The following FBXL5 variants were observed in gnomAD, a reference collection of about 807,000 sequenced individuals.
FBXL5 encodes the protein F-box and leucine rich repeat protein 5.
Under a neutral mutation model 78.3 loss-of-function variants are expected in FBXL5, and 26 were observed. That is an observed-to-expected ratio of 0.33 (90% confidence interval 0.24 to 0.46). The LOEUF (loss-of-function observed/expected upper bound fraction) is 0.46, where lower values mean the gene tolerates loss of function less well. Among genes scored for constraint, FBXL5 ranks in the 20% least tolerant of loss-of-function variants. FBXL5 has a pLI of 1.00. For synonymous variants in FBXL5, 295 were observed against 282.5 expected (o/e 1.04, Z -0.45); for missense variants, 710 against 829.2 (o/e 0.86, Z 1.77).
rs748693785 is a variant in FBXL5, at chr4:15,638,695, CTAAAT to C, written c.397-6_397-2del. Reference sequence around the variant, plus strand: ...ATTCCATTAACATGGGCTGAAAAACCTAAATTAAACAAAATATTCACGAGGAAAGA... The same window carrying C: ...ATTCCATTAACATGGGCTGAAAAACCTAAACAAAATATTCACGAGGAAAGA... On this transcript the variant is annotated splice_acceptor_variant and splice_polypyrimidine_tract_variant and intron_variant, in intron 3 of 10. Transcript: ENST00000341285. LOFTEE classifies it high-confidence loss of function. 4 of 1,566,538 alleles carry C rather than the reference CTAAAT, an allele frequency of 2.6e-6. No homozygotes were observed. Among genetic ancestry groups the C allele is most frequent in the Non-Finnish European group, 3.5e-6 (4 of 1,151,130 alleles).
chr4:15,607,083 C>T (rs561408379), intron 10 of FBXL5, among the ~76,000 whole-genome samples: 51 of 152,178 alleles, frequency 3.4e-4, no homozygotes, highest in Admixed American at 1.2e-3. Context: ...ATAAACATTA[C>T]GCAAATATGT....
chr4:15,639,894 C>A (rs1438568475), intron 3 of FBXL5, among the ~76,000 whole-genome samples: 1 of 152,162 alleles, frequency 6.6e-6, no homozygotes, highest in East Asian at 1.9e-4. Flanking sequence ...TACAGCTGAA[C>A]AGGTATTCCG....
intron 1 of FBXL5, among the ~76,000 whole-genome samples, chr4:15,645,343 TG>T (rs1715248230): frequency 6.6e-6 from 1 of 152,220 alleles, no homozygotes; most frequent in Non-Finnish European, 1.5e-5. Context: ...AGAGTCATAG[TG>T]AACCAGTTTT....
chr4:15,650,588 T>G (rs1431166745), intron 1 of FBXL5, among the ~76,000 whole-genome samples: 2 of 150,762 alleles, frequency 1.3e-5, no homozygotes, highest in Non-Finnish European at 2.9e-5. Flanking sequence ...CTTATATATA[T>G]AAAAGGACGC....
chr4:15,627,024 T>A (rs1713130623), intron 7 of FBXL5, 69 bp from the exon 8 acceptor site: 2 of 899,796 alleles, frequency 2.2e-6, no homozygotes. Flanking sequence ...AGATGACTAT[T>A]AGTAAACATA....
At chr4:15,657,562 C>G (rs1183454585), upstream of FBXL5, among the ~76,000 whole-genome samples, 1 of 152,198 alleles carries the variant, frequency 6.6e-6, no homozygotes, top group Non-Finnish European at 1.5e-5. Context: ...GCTCTATAAT[C>G]AGCTGAAAAG....
chr4:15,646,447 T>C (rs895955169), intron 1 of FBXL5, among the ~76,000 whole-genome samples: 3 of 149,364 alleles, frequency 2.0e-5, no homozygotes, highest in Non-Finnish European at 4.5e-5. Context: ...AACACTATCA[T>C]GTATCATTTT....
upstream of FBXL5, chr4:15,655,412 T>C: frequency 1.0e-6 from 1 of 991,362 alleles, no homozygotes; most frequent in Non-Finnish European, 1.2e-6. Context: ...GCGCGCCCGG[T>C]CGGCTTGGCC....
At chr4:15,663,393 G>A (rs1445739977), upstream of FBXL5, among the ~76,000 whole-genome samples, 2 of 152,108 alleles carry the variant, frequency 1.3e-5, no homozygotes, top group Non-Finnish European at 2.9e-5. Flanking sequence ...AAGATATTAG[G>A]GGCCAGAGGT....
At chr4:15,671,660 T>A (rs770299695) in intron 1 of FBXL5, among the ~76,000 whole-genome samples, 1 of 152,202 alleles carries the variant, frequency 6.6e-6, no homozygotes, top group Non-Finnish European at 1.5e-5. Context: ...TTTTAAGCTA[T>A]CATTTCTTCA....
intron 1 of FBXL5, among the ~76,000 whole-genome samples, chr4:15,666,040 C>T (rs1016827986): frequency 4.6e-5 from 7 of 151,536 alleles, no homozygotes; most frequent in Non-Finnish European, 8.8e-5. Flanking sequence ...AAAAAAATGA[C>T]CATTTCCTCA....
chr4:15,638,743 T>G, intron 3 of FBXL5, 49 bp from the exon 4 acceptor site: 1 of 1,198,470 alleles, frequency 8.3e-7, no homozygotes, highest in Non-Finnish European at 1.2e-6. Flanking sequence ...TTCGTGTTGA[T>G]TTACTCTAAA....
chr4:15,614,530 T>A (rs1711572379), intron 9 of FBXL5, among the ~76,000 whole-genome samples: 1 of 152,030 alleles, frequency 6.6e-6, no homozygotes, highest in African/African-American at 2.4e-5. Context: ...GCCATAGAGC[T>A]CCCAAGAGAT....
upstream of FBXL5, among the ~76,000 whole-genome samples, chr4:15,658,884 T>G (rs976585215): frequency 6.6e-6 from 1 of 152,192 alleles, no homozygotes; most frequent in Non-Finnish European, 1.5e-5. Context: ...TCCAGAGACT[T>G]AATTTTTTCA....
At chr4:15,666,775 C>T (rs1717564703) in intron 1 of FBXL5, among the ~76,000 whole-genome samples, 2 of 151,462 alleles carry the variant, frequency 1.3e-5, no homozygotes, top group Non-Finnish European at 2.9e-5. Context: ...GAGCTGTGAT[C>T]CCAACAATGC....
At chr4:15,665,853 A>C (rs1315214728) in intron 1 of FBXL5, among the ~76,000 whole-genome samples, 4 of 152,162 alleles carry the variant, frequency 2.6e-5, no homozygotes, top group Admixed American at 1.3e-4. Context: ...TCCGATGATT[A>C]GTGTACCTGC....
At chr4:15,618,705 G>A (rs551405908) in intron 9 of FBXL5, among the ~76,000 whole-genome samples, 12 of 152,224 alleles carry the variant, frequency 7.9e-5, no homozygotes, top group Middle Eastern at 3.4e-3. Context: ...AGCTGGGCGT[G>A]GTGGCACGTG....
upstream of FBXL5, among the ~76,000 whole-genome samples, chr4:15,663,096 A>C (rs1013587079): frequency 6.6e-6 from 1 of 152,196 alleles, no homozygotes. Context: ...GAAGAATTAC[A>C]AGTTTACATA....
chr4:15,648,354 C>G (rs889256746), intron 1 of FBXL5, among the ~76,000 whole-genome samples: 4 of 152,122 alleles, frequency 2.6e-5, no homozygotes, highest in African/African-American at 9.7e-5. Context: ...ATGTAATTTT[C>G]ATAAGTTCCA....
Sources: allele counts gnomAD v4.1 joint callset (sites outside exome capture counted in the v4.1 genomes callset), GRCh38; gene constraint gnomAD v4.1.1; transcripts MANE v1.5; gene names NCBI Gene and HGNC (gene_info 2026-07-23, HGNC 2026-07-21).